Variants in PPP1R12A observed in about 807,000 individuals in gnomAD.
PPP1R12A encodes the protein protein phosphatase 1 regulatory subunit 12A, also known as myosin binding subunit.
PPP1R12A carries 19 observed loss-of-function variants against 139.6 expected under a neutral mutation model. The ratio of observed to expected loss-of-function variants is 0.14; its 90% CI spans 0.09 to 0.20. The LOEUF is 0.20. Among genes scored for constraint, PPP1R12A ranks in the 10% least tolerant of loss-of-function variants. The pLI is 1.00. For missense variants in PPP1R12A, 925 were observed against 1,211.5 expected (o/e 0.76, Z 3.51); for synonymous variants, 427 against 420.6 (o/e 1.02, Z -0.19).
At chr12:79,900,800 G>A (rs1469381354) in intron 1 of PPP1R12A, among the ~76,000 whole-genome samples, 1 of 152,066 alleles carries the variant, frequency 6.6e-6, no homozygotes, top group Non-Finnish European at 1.5e-5. Flanking sequence ...CCATAGTATA[G>A]AAGGATTGTC....
intron 1 of PPP1R12A, among the ~76,000 whole-genome samples, chr12:79,915,955 G>A (rs538082639): frequency 1.3e-5 from 2 of 149,772 alleles, no homozygotes; most frequent in African/African-American, 5.0e-5. Flanking sequence ...AAGCTATACT[G>A]TTTGCAACAT....
intron 1 of PPP1R12A, among the ~76,000 whole-genome samples, chr12:79,923,774 G>A (rs1013311548): frequency 1.3e-5 from 2 of 152,194 alleles, no homozygotes; most frequent in Non-Finnish European, 2.9e-5. Context: ...CAGGCACGGT[G>A]GCTCACGCCT....
intron 1 of PPP1R12A, chr12:79,914,028 GC>G (rs1886803398): frequency 1.3e-5 from 2 of 152,050 alleles, no homozygotes; most frequent in Non-Finnish European, 2.9e-5. Context: ...GTAAAACGAT[GC>G]CACTCTTTTT....
At chr12:79,912,623 G>A (rs1886666941) in intron 1 of PPP1R12A, among the ~76,000 whole-genome samples, 2 of 151,950 alleles carry the variant, frequency 1.3e-5, no homozygotes, top group East Asian at 3.9e-4. Context: ...GAGCTCAGGA[G>A]GTCAAGGCTG....
chr12:79,910,411 T>C (rs896141975), intron 1 of PPP1R12A, among the ~76,000 whole-genome samples: 2 of 151,650 alleles, frequency 1.3e-5, no homozygotes, highest in Admixed American at 1.3e-4. Context: ...ACCTGGGAGG[T>C]GGGAGGTTGC....
chr12:79,790,654 C>T (rs377174937), intron 19 of PPP1R12A, among the ~76,000 whole-genome samples, 171 bp from the exon 20 acceptor site: 11 of 152,146 alleles, frequency 7.2e-5, no homozygotes, highest in African/African-American at 2.4e-4. Flanking sequence ...TTTACTTTCT[C>T]GAAATCTAGC....
chr12:79,783,636 T>C (rs949515539), intron 22 of PPP1R12A, among the ~76,000 whole-genome samples: 1 of 152,018 alleles, frequency 6.6e-6, no homozygotes, highest in Non-Finnish European at 1.5e-5. Context: ...ACCAAAAAAA[T>C]TTTAAATAAC....
chr12:79,843,727 G>A (rs1192046373), intron 3 of PPP1R12A, among the ~76,000 whole-genome samples: 3 of 148,456 alleles, frequency 2.0e-5, no homozygotes, highest in Non-Finnish European at 3.0e-5. Flanking sequence ...TTTTTTAGAC[G>A]GAGTCTCACT....
At chr12:79,818,298 C>G (rs1875654680) in intron 8 of PPP1R12A, among the ~76,000 whole-genome samples, 1 of 152,134 alleles carries the variant, frequency 6.6e-6, no homozygotes, top group African/African-American at 2.4e-5. Context: ...GGTTGGGGTA[C>G]AGTGGCATGA....
At chr12:79,890,899 A>ACC (rs139442956) in intron 1 of PPP1R12A, among the ~76,000 whole-genome samples, 1 of 66,850 alleles carries the variant, frequency 1.5e-5, no homozygotes, top group Non-Finnish European at 2.8e-5. Context: ...ACCCACCCAC[A>ACC]CCCACCCACA....
rs548502321 is a variant in PPP1R12A at position 79,849,231 on chromosome 12, C to CA, written c.369-3812dup. ...AAACCCCAACTCTACTAAAAAAATA[C>CA]AAAAAAATTAGCTGGGTGTGGTGGT... On this transcript the variant is annotated intron_variant, in intron 2 of 24. Transcript: ENST00000450142. Among the ~76,000 whole-genome samples the CA allele has an allele frequency of 1.5e-3, 232 of 151,842 alleles. 1 individual carries two copies. Among genetic ancestry groups the CA allele is most frequent in the Middle Eastern group, 0.01 (3 of 294 alleles).
chr12:79,875,331 A>C (rs1216095563), intron 1 of PPP1R12A, among the ~76,000 whole-genome samples: 1 of 152,172 alleles, frequency 6.6e-6, no homozygotes, highest in African/African-American at 2.4e-5. Flanking sequence ...AGTCTGTGCC[A>C]TGTATTTGAC....
chr12:79,815,568 A>C lies in PPP1R12A; in HGVS notation c.1239+1826T>G, dbSNP rs550054489. On this transcript the variant is annotated intron_variant, in intron 9 of 24. Coordinates refer to ENST00000450142, the MANE Select transcript of PPP1R12A (RefSeq NM_002480.3). ...AGCCAGTTTCTTGCCTAGGTATTCC[A>C]GGGAGATGGAATTTCTGATAACATT... Among the ~76,000 whole-genome samples the C allele has an allele frequency of 2.0e-5, 3 of 152,138 alleles. No homozygotes were observed. The East Asian group carries it at 5.8e-4, about 29-fold the overall frequency.
chr12:79,928,121 T>G (rs1220909657), intron 1 of PPP1R12A, among the ~76,000 whole-genome samples: 1 of 152,242 alleles, frequency 6.6e-6, no homozygotes, highest in Non-Finnish European at 1.5e-5. Context: ...ATGTGAACTG[T>G]AATTTTTAAA....
At chr12:79,801,652 A>G (rs1045468973) in intron 14 of PPP1R12A, among the ~76,000 whole-genome samples, 1 of 151,984 alleles carries the variant, frequency 6.6e-6, no homozygotes, top group Admixed American at 6.6e-5. Context: ...ACAACCCTGA[A>G]ATTTTTGGAA....
At chr12:79,838,112 G>A (rs1878300880) in intron 3 of PPP1R12A, among the ~76,000 whole-genome samples, 1 of 152,196 alleles carries the variant, frequency 6.6e-6, no homozygotes, top group African/African-American at 2.4e-5. Context: ...CCAAAATGCT[G>A]ATAGTGATAT....
intron 1 of PPP1R12A, among the ~76,000 whole-genome samples, chr12:79,914,192 T>C (rs1009596455): frequency 2.6e-5 from 4 of 151,990 alleles, no homozygotes; most frequent in African/African-American, 9.7e-5. Flanking sequence ...CCTCTTTGGG[T>C]TCCTCAATTT....
At position 79,773,694 on chromosome 12, in the gene PPP1R12A, C is replaced by T. The variant is rs374484060; in HGVS notation, c.*2235G>A. On this transcript the variant is annotated 3_prime_UTR_variant, in exon 25 of 25. Transcript: ENST00000450142. ...ATGTACAATGCTGTGCAAATTATCACAATATTACAATTTCAGAAATTATTC... is the reference window on the plus strand; with the variant it reads ...ATGTACAATGCTGTGCAAATTATCATAATATTACAATTTCAGAAATTATTC... 1 of 152,082 alleles carries T rather than the reference C, an allele frequency of 6.6e-6. No homozygotes were observed. The highest frequency in any genetic ancestry group is 2.4e-5 in the African/African-American group (1 of 41,416). 9.4% of individuals were successfully genotyped at this position (152,082 alleles called of 1,614,324 possible).
intron 4 of PPP1R12A, among the ~76,000 whole-genome samples, chr12:79,830,197 T>C (rs1265892510): frequency 6.6e-6 from 1 of 152,188 alleles, no homozygotes; most frequent in Non-Finnish European, 1.5e-5. Flanking sequence ...ATAACCATAC[T>C]ATTAATTTTT....
Sources: gnomAD v4.1 joint callset for allele counts (sites outside exome capture counted in the v4.1 genomes callset) on GRCh38, gnomAD v4.1.1 for gene constraint, MANE v1.5 for transcripts, NCBI Gene and HGNC (gene_info 2026-07-23, HGNC 2026-07-21) for gene names.